Variants in NBEAL1 observed in about 807,000 individuals in gnomAD.
The protein encoded by NBEAL1 is neurobeachin like 1.
In NBEAL1, 273 loss-of-function variants were observed where a neutral mutation model predicts 351.3. The observed-to-expected ratio is 0.78, with a 90% confidence interval of 0.70 to 0.86. The LOEUF (loss-of-function observed/expected upper bound fraction) is 0.86. NBEAL1 is among the 40% of genes least tolerant of loss of function. The pLI is 0.00. For missense variants in NBEAL1, 2,961 were observed against 3,201.3 expected (o/e 0.92, Z 1.81); for synonymous variants, 1,050 against 1,086.4 (o/e 0.97, Z 0.66).
At chr2:203,161,038 G>T (rs889298329) in intron 36 of NBEAL1, among the ~76,000 whole-genome samples, 1 of 151,952 alleles carries the variant, frequency 6.6e-6, no homozygotes, top group Non-Finnish European at 1.5e-5. Flanking sequence ...AAGAAAATAG[G>T]CCAGGGAGGC....
intron 43 of NBEAL1, 116 bp downstream of exon 43, chr2:203,180,628 T>A: frequency 1.0e-6 from 1 of 989,582 alleles, no homozygotes; most frequent in Non-Finnish European, 1.4e-6. Flanking sequence ...ATTCTGTCTG[T>A]GGATTACTTA....
intron 18 of NBEAL1, 34 bp from the exon 19 acceptor site, chr2:203,122,220 T>C: frequency 8.3e-7 from 1 of 1,209,928 alleles, no homozygotes; most frequent in South Asian, 1.4e-5. Flanking sequence ...TTTGTTCTAA[T>C]TGGTTGTTTG....
intron 7 of NBEAL1, among the ~76,000 whole-genome samples, chr2:203,075,696 C>T (rs967506056): frequency 1.3e-5 from 2 of 152,226 alleles, no homozygotes; most frequent in Admixed American, 1.3e-4. Context: ...CTCAACTCAG[C>T]AAATGGCTGT....
At chr2:203,213,740 A>G (rs1468114413) in intron 55 of NBEAL1, 87 bp downstream of exon 55, 5 of 1,568,322 alleles carry the variant, frequency 3.2e-6, no homozygotes, top group Non-Finnish European at 3.4e-6. Flanking sequence ...AGAAGTCACC[A>G]TTAGGGATAA....
rs1305101628 is a variant in NBEAL1, at chr2:203,157,788, G to A, written c.5677G>A (p.Asp1893Asn). ...KVSDMVEDKLDLPEEDITARV... is the reference protein window; with the variant it reads ...KVSDMVEDKLNLPEEDITARV... ...TAGTGATATGGTGGAGGATAAATTAGACCTTCCTGAAGAGGATATAACAGC... is the reference window on the plus strand; with the variant it reads ...TAGTGATATGGTGGAGGATAAATTAAACCTTCCTGAAGAGGATATAACAGC... The change falls in exon 36 of 56, where the codon GAC (aspartate) becomes AAC (asparagine). Residue 1893 changes from aspartate (D) to asparagine (N), a missense_variant. Transcript: ENST00000683969. The A allele has an allele frequency of 6.3e-7, 1 of 1,592,296 alleles. No homozygotes were observed. Among genetic ancestry groups the A allele is most frequent in the Admixed American group, 1.8e-5 (1 of 57,120 alleles).
chr2:203,082,845 G>T (rs1413914995), intron 8 of NBEAL1, among the ~76,000 whole-genome samples: 1 of 152,154 alleles, frequency 6.6e-6, no homozygotes, highest in East Asian at 1.9e-4. Flanking sequence ...ATCTCTTCAT[G>T]ATATAAAGGT....
At chr2:203,197,868 C>T (rs2065282539) in intron 48 of NBEAL1, among the ~76,000 whole-genome samples, 1 of 151,934 alleles carries the variant, frequency 6.6e-6, no homozygotes. Context: ...AAGATCGCGC[C>T]ACTGCACTCC....
In NBEAL1 at chr2:203,213,550, G is replaced by A. The variant is rs754510340; in HGVS notation, c.7967G>A (p.Arg2656Gln). The A allele has an allele frequency of 1.9e-5, 30 of 1,613,432 alleles. No homozygotes were observed. Among genetic ancestry groups the A allele is most frequent in the African/African-American group, 2.7e-5 (2 of 74,872 alleles). ...CTCAGCATCAACCCATTAGCCATGC[G>A]ACTGCCTATCCATTGTGTTTGTGTC... ...LNLSINPLAM[R>Q]LPIHCVCVTK... The change falls in exon 55 of 56, where the codon CGA (arginine) becomes CAA (glutamine). Residue 2656 changes from arginine (R) to glutamine (Q), a missense_variant. By Grantham distance (43) the Arg-to-Gln change is conservative. Coordinates refer to ENST00000683969, the MANE Select transcript of NBEAL1 (RefSeq NM_001378026.1).
chr2:203,025,074 C>T (rs141709850), intron 2 of NBEAL1, among the ~76,000 whole-genome samples: 2 of 152,226 alleles, frequency 1.3e-5, no homozygotes, highest in East Asian at 3.9e-4. Flanking sequence ...TGGCCAAGGA[C>T]CTTTATTGGT....
chr2:203,183,241 T>C, intron 43 of NBEAL1, 38 bp from the exon 44 acceptor site: 1 of 1,123,576 alleles, frequency 8.9e-7, no homozygotes, highest in East Asian at 2.4e-5. Flanking sequence ...TATTATAATC[T>C]AAAATGATTT....
At chr2:203,213,752 C>T in intron 55 of NBEAL1, 99 bp downstream of exon 55, 1 of 1,540,470 alleles carries the variant, frequency 6.5e-7, no homozygotes, top group Non-Finnish European at 8.7e-7. Context: ...TAGGGATAAA[C>T]AAATTAAAAG....
rs200542429 is a variant in NBEAL1, at chr2:203,211,048, G to A, written c.7876G>A (p.Gly2626Arg). 33 of 1,606,786 alleles carry A rather than the reference G, an allele frequency of 2.1e-5. No homozygotes were observed. Among genetic ancestry groups the A allele is most frequent in the South Asian group, 6.7e-5 (6 of 89,576 alleles). Residue 2626 changes from glycine (G) to arginine (R), a missense_variant, in exon 54 of 56, where the codon GGA becomes AGA. Gly to Arg is a moderately radical substitution (Grantham distance 125, BLOSUM62 -2). Transcript: ENST00000683969. Reference protein sequence around the residue: ...KEQVSDICIIGEHIVTGSIQG... With the variant: ...KEQVSDICIIREHIVTGSIQG... Reference sequence around the variant, plus strand: ...ACAAGTATCAGATATATGTATAATCGGAGAACACATTGTCACAGGCAGCAT... The same window carrying A: ...ACAAGTATCAGATATATGTATAATCAGAGAACACATTGTCACAGGCAGCAT...
intron 7 of NBEAL1, among the ~76,000 whole-genome samples, chr2:203,069,225 G>A (rs1291992713): frequency 6.6e-6 from 1 of 152,094 alleles, no homozygotes; most frequent in African/African-American, 2.4e-5. Context: ...TGCCATATTT[G>A]CTTCAGTTCT....
In NBEAL1 at chr2:203,218,651, A is replaced by AT. The variant is rs2065922106; in HGVS notation, c.*1299dup. 6.6e-6 allele frequency: 1 copy of AT among 152,150 alleles called. No individual in the cohort carries two copies. Among genetic ancestry groups the AT allele is most frequent in the Non-Finnish European group, 1.5e-5 (1 of 68,010 alleles). 9.4% of individuals were successfully genotyped at this position (152,150 alleles called of 1,614,324 possible). A position where few individuals can be genotyped will look rare whatever the true frequency, so the allele number is the denominator to read the frequency against. The stretch of plus-strand genomic sequence containing the variant: ...CAAATCATAGATGTCCTTAAATCCA[A>AT]TTGTCTTCTCAGTTGAATCTTAGAG... On this transcript the variant is annotated 3_prime_UTR_variant, in exon 56 of 56. Coordinates refer to ENST00000683969, the MANE Select transcript of NBEAL1 (RefSeq NM_001378026.1).
chr2:203,084,688 T>C, intron 10 of NBEAL1, 119 bp downstream of exon 10: 2 of 498,160 alleles, frequency 4.0e-6, no homozygotes, highest in Non-Finnish European at 3.4e-6. Context: ...TTGCATTTAA[T>C]TACATAACCA....
intron 3 of NBEAL1, among the ~76,000 whole-genome samples, chr2:203,044,410 A>G (rs2061193796): frequency 6.6e-6 from 1 of 152,200 alleles, no homozygotes; most frequent in African/African-American, 2.4e-5. Context: ...AATTTTATAG[A>G]GTTAGGATTT....
chr2:203,053,172 A>G (rs1234135647), intron 4 of NBEAL1, among the ~76,000 whole-genome samples: 1 of 152,202 alleles, frequency 6.6e-6, no homozygotes, highest in Non-Finnish European at 1.5e-5. Flanking sequence ...CAAAATGGCT[A>G]TACCATTTTG....
intron 6 of NBEAL1, among the ~76,000 whole-genome samples, chr2:203,065,423 A>G (rs915078801): frequency 6.6e-6 from 1 of 152,164 alleles, no homozygotes; most frequent in Non-Finnish European, 1.5e-5. Flanking sequence ...ATGTGAGTAC[A>G]ATGATTATGT....
At chr2:203,113,565 A>G (rs941103958) in intron 17 of NBEAL1, among the ~76,000 whole-genome samples, 3 of 152,060 alleles carry the variant, frequency 2.0e-5, no homozygotes, top group Non-Finnish European at 2.9e-5. Context: ...ATCATCCATA[A>G]TACTGCCTGT....
Sources: gnomAD v4.1 joint callset for allele counts (sites outside exome capture counted in the v4.1 genomes callset) on GRCh38, gnomAD v4.1.1 for gene constraint, MANE v1.5 for transcripts, NCBI Gene and HGNC (gene_info 2026-07-23, HGNC 2026-07-21) for gene names.